ADGRL3: variants seen among roughly 807,000 people sequenced by gnomAD.
ADGRL3 encodes adhesion G protein-coupled receptor L3, also known as calcium-independent alpha-latrotoxin receptor 3.
ADGRL3 carries 62 observed loss-of-function variants against 153.5 expected under a neutral mutation model. The observed-to-expected ratio is 0.40, with a 90% confidence interval of 0.33 to 0.50. The LOEUF is 0.50. Among genes scored for constraint, ADGRL3 ranks in the 20% least tolerant of loss-of-function variants. The probability of loss-of-function intolerance (pLI) is 0.47; values close to 1 mark genes in which losing one functional copy is unlikely to be tolerated. For synonymous variants in ADGRL3, 710 were observed against 672.5 expected, an observed-to-expected ratio of 1.06 and a Z score of -0.86; for missense variants, 1,641 against 1,859.4, an observed-to-expected ratio of 0.88 and a Z score of 2.16.
chr4:61,367,185 G>C (rs1279858726), intron 1 of ADGRL3, among the ~76,000 whole-genome samples: 1 of 151,790 alleles, frequency 6.6e-6, no homozygotes, highest in African/African-American at 2.4e-5. Context: ...AGCAAATTTG[G>C]GATGTACAAA....
chr4:61,224,725 G>A (rs1747150080), intron 1 of ADGRL3, among the ~76,000 whole-genome samples: 1 of 152,190 alleles, frequency 6.6e-6, no homozygotes, highest in South Asian at 2.1e-4. Context: ...CTAACTACAT[G>A]CTACTCTAGG....
At chr4:61,739,899 G>T (rs1459109459) in intron 8 of ADGRL3, among the ~76,000 whole-genome samples, 2 of 152,188 alleles carry the variant, frequency 1.3e-5, no homozygotes, top group African/African-American at 2.4e-5. Context: ...ACTGTTTAAA[G>T]AATTCTATAT....
chr4:61,213,811 GTCA>G (rs1741314461), intron 1 of ADGRL3, among the ~76,000 whole-genome samples: 1 of 152,110 alleles, frequency 6.6e-6, no homozygotes, highest in Admixed American at 6.5e-5. Flanking sequence ...AATAAGTGGT[GTCA>G]TCATGAATAT....
At chr4:61,638,172 C>A (rs2093509763) in intron 5 of ADGRL3, among the ~76,000 whole-genome samples, 1 of 152,106 alleles carries the variant, frequency 6.6e-6, no homozygotes, top group Non-Finnish European at 1.5e-5. Flanking sequence ...GATAAACAAA[C>A]TGGCATATTC....
At chr4:61,223,337 A>C (rs1746509064) in intron 1 of ADGRL3, among the ~76,000 whole-genome samples, 1 of 152,236 alleles carries the variant, frequency 6.6e-6, no homozygotes. Context: ...AAGAGTAGAA[A>C]GTGCATTTAA....
rs2097329035 is a variant in ADGRL3 at position 61,790,502 on chromosome 4, ATAAT to A, written c.1400-23302_1400-23299del. Among the ~76,000 whole-genome samples the A allele has an allele frequency of 2.6e-5, 4 of 152,208 alleles. No individual in the cohort carries two copies. In the South Asian group the frequency reaches 8.3e-4, roughly 31 times the overall value. Reference sequence around the variant, plus strand: ...TAGGAACAGTAAAAGATTAACAACCATAATTAATAATAAAATAGAAACAATTAGA... The same window carrying A: ...TAGGAACAGTAAAAGATTAACAACCATAATAATAAAATAGAAACAATTAGA... On this transcript the variant is annotated intron_variant, in intron 8 of 26. Transcript: ENST00000683033.
intron 9 of ADGRL3, among the ~76,000 whole-genome samples, chr4:61,817,606 C>G (rs2097703057): frequency 6.6e-6 from 1 of 152,036 alleles, no homozygotes; most frequent in Non-Finnish European, 1.5e-5. Flanking sequence ...TCCTGTCCAC[C>G]TTACTCACTG....
At chr4:61,746,320 T>C (rs895131866) in intron 8 of ADGRL3, among the ~76,000 whole-genome samples, 3 of 151,170 alleles carry the variant, frequency 2.0e-5, no homozygotes, top group African/African-American at 7.3e-5. Flanking sequence ...TTAAAAAGGA[T>C]ACCCAGGAAT....
At chr4:61,368,344 G>T (rs2151640764) in intron 1 of ADGRL3, among the ~76,000 whole-genome samples, 1 of 152,168 alleles carries the variant, frequency 6.6e-6, no homozygotes, top group East Asian at 1.9e-4. Flanking sequence ...TTTCTTCTAG[G>T]GTTTTTATGG....
chr4:62,041,881 G>A (rs551022052), intron 24 of ADGRL3, among the ~76,000 whole-genome samples: 1 of 152,046 alleles, frequency 6.6e-6, no homozygotes, highest in African/African-American at 2.4e-5. Context: ...AGTGCAGTGA[G>A]TTGTTAACCT....
chr4:61,791,461 C>A (rs2097340887), intron 8 of ADGRL3, among the ~76,000 whole-genome samples: 1 of 152,188 alleles, frequency 6.6e-6, no homozygotes, highest in African/African-American at 2.4e-5. Flanking sequence ...GGCAGCTCTA[C>A]CCCTGTGGCT....
chr4:61,495,199 G>A (rs2098299939), intron 2 of ADGRL3, among the ~76,000 whole-genome samples: 1 of 152,068 alleles, frequency 6.6e-6, no homozygotes, highest in African/African-American at 2.4e-5. Flanking sequence ...CAGAATGCGT[G>A]CTCTTAACTA....
At chr4:61,497,790 C>T (rs1489344405) in intron 3 of ADGRL3, among the ~76,000 whole-genome samples, 1 of 151,726 alleles carries the variant, frequency 6.6e-6, no homozygotes, top group African/African-American at 2.4e-5. Context: ...TCCCAAAGTG[C>T]TGGGATTACA....
At chr4:61,572,781 G>A (rs894584936) in intron 4 of ADGRL3, among the ~76,000 whole-genome samples, 3 of 151,916 alleles carry the variant, frequency 2.0e-5, no homozygotes, top group African/African-American at 7.2e-5. Flanking sequence ...GTTAATTTGT[G>A]TCATGCAAAA....
intron 5 of ADGRL3, among the ~76,000 whole-genome samples, chr4:61,608,400 C>T (rs564646170): frequency 6.6e-6 from 1 of 152,162 alleles, no homozygotes; most frequent in South Asian, 2.1e-4. Context: ...AAACAAAAAC[C>T]CTCTTACAGT....
intron 24 of ADGRL3, among the ~76,000 whole-genome samples, chr4:62,041,262 C>A (rs1185111321): frequency 6.6e-6 from 1 of 152,004 alleles, no homozygotes; most frequent in East Asian, 1.9e-4. Context: ...TGGTCCTAAT[C>A]ACTTATAAAA....
At chr4:61,630,434 A>T (rs1271688306) in intron 5 of ADGRL3, among the ~76,000 whole-genome samples, 1 of 152,216 alleles carries the variant, frequency 6.6e-6, no homozygotes, top group Non-Finnish European at 1.5e-5. Context: ...AGCTGACTTC[A>T]TGTTGTCCTG....
chr4:61,386,110 C>T (rs1366441971), intron 2 of ADGRL3, among the ~76,000 whole-genome samples: 1 of 152,116 alleles, frequency 6.6e-6, no homozygotes, highest in African/African-American at 2.4e-5. Context: ...TATGGAATTA[C>T]TATCATTTTT....
chr4:61,680,169 A>T (rs2095303005), intron 6 of ADGRL3, among the ~76,000 whole-genome samples: 1 of 152,034 alleles, frequency 6.6e-6, no homozygotes, highest in Non-Finnish European at 1.5e-5. Context: ...ATAAAAGATC[A>T]CTATTTCATT....
Sources: gnomAD v4.1 joint callset for allele counts (sites outside exome capture counted in the v4.1 genomes callset) on GRCh38, gnomAD v4.1.1 for gene constraint, MANE v1.5 for transcripts, NCBI Gene and HGNC (gene_info 2026-07-23, HGNC 2026-07-21) for gene names.